The following CMSS1 variants were observed in gnomAD, a reference collection of about 807,000 sequenced individuals.
The protein encoded by CMSS1 is protein CMSS1.
Under a neutral mutation model 43.5 loss-of-function variants are expected in CMSS1, and 33 were observed. The observed-to-expected ratio is 0.76, with a 90% CI of 0.57 to 1.01. The LOEUF is 1.01. CMSS1 is among the 50% of genes least tolerant of loss of function. The probability of loss-of-function intolerance (pLI) is 0.00; values close to 1 mark genes in which losing one functional copy is unlikely to be tolerated. For missense variants in CMSS1, 313 were observed against 326.4 expected, an observed-to-expected ratio of 0.96 and a Z score of 0.32; for synonymous variants, 115 against 117.2, an observed-to-expected ratio of 0.98 and a Z score of 0.12.
chr3:100,065,241 A>G (rs2065643964), intron 1 of CMSS1, among the ~76,000 whole-genome samples: 2 of 152,154 alleles, frequency 1.3e-5, no homozygotes, highest in African/African-American at 4.8e-5. Flanking sequence ...TCTGTGTTTT[A>G]ATTAGCTCCT....
At chr3:99,976,085 A>G (rs931199944) in intron 1 of CMSS1, among the ~76,000 whole-genome samples, 1 of 152,036 alleles carries the variant, frequency 6.6e-6, no homozygotes, top group East Asian at 1.9e-4. Context: ...AGGTTTCGCC[A>G]TGTTTTCCAG....
intron 1 of CMSS1, among the ~76,000 whole-genome samples, chr3:100,124,875 C>T (rs189890241): frequency 1.7e-4 from 25 of 144,092 alleles, no homozygotes; most frequent in African/African-American, 6.0e-4. Flanking sequence ...TATGCGTTCA[C>T]ATGTCAGGTA....
At chr3:100,039,539 A>G (rs1217322456) in intron 1 of CMSS1, among the ~76,000 whole-genome samples, 1 of 152,170 alleles carries the variant, frequency 6.6e-6, no homozygotes, top group Admixed American at 6.5e-5. Context: ...AATATGCGGG[A>G]TACCAGGAGT....
intron 1 of CMSS1, among the ~76,000 whole-genome samples, chr3:99,907,700 T>A (rs76685380): frequency 0.096 from 14,641 of 152,286 alleles, 838 homozygotes; most frequent in African/African-American, 0.16. Flanking sequence ...CCCCTTCCCT[T>A]ATGCTATTAA....
intron 1 of CMSS1, among the ~76,000 whole-genome samples, chr3:99,971,451 T>C (rs1576610365): frequency 6.6e-6 from 1 of 152,168 alleles, no homozygotes; most frequent in South Asian, 2.1e-4. Context: ...ATGTTGAATA[T>C]GAGATGTCTG....
At chr3:99,932,674 G>A (rs1467957457) in intron 1 of CMSS1, among the ~76,000 whole-genome samples, 1 of 152,102 alleles carries the variant, frequency 6.6e-6, no homozygotes, top group Non-Finnish European at 1.5e-5. Flanking sequence ...CGGATTACCC[G>A]AGGTCAGGAG....
intron 1 of CMSS1, among the ~76,000 whole-genome samples, chr3:100,091,231 G>T (rs1270038221): frequency 6.7e-6 from 1 of 150,286 alleles, no homozygotes; most frequent in East Asian, 2.0e-4. Context: ...CTTGCAGTGA[G>T]CCGAGATTGC....
intron 1 of CMSS1, among the ~76,000 whole-genome samples, chr3:99,954,067 A>T (rs1708252023): frequency 6.6e-6 from 1 of 152,282 alleles, no homozygotes; most frequent in African/African-American, 2.4e-5. Context: ...AGGTGGTGGC[A>T]TCTCAGTTTG....
chr3:100,047,511 G>A (rs374963658), intron 1 of CMSS1, among the ~76,000 whole-genome samples: 6 of 152,182 alleles, frequency 3.9e-5, no homozygotes, highest in South Asian at 2.1e-4. Context: ...TGAAACCAGC[G>A]AGGGTCATAA....
intron 1 of CMSS1, among the ~76,000 whole-genome samples, chr3:100,066,459 A>G (rs955128791): frequency 6.8e-6 from 1 of 146,322 alleles, no homozygotes; most frequent in Non-Finnish European, 1.5e-5. Flanking sequence ...AAATGGTTTG[A>G]ATGGTGATGT....
chr3:100,065,127 AAT>A (rs1034496669), intron 1 of CMSS1, among the ~76,000 whole-genome samples: 1 of 152,204 alleles, frequency 6.6e-6, no homozygotes, highest in Admixed American at 6.5e-5. Flanking sequence ...ATATATAATT[AAT>A]ATATACACTG....
In CMSS1 at chr3:100,174,443, C is replaced by A. The variant is rs373260017; in HGVS notation, c.668-1884C>A. On this transcript the variant is annotated intron_variant, in intron 8 of 9. Transcript: ENST00000421999. ...AAGAGAAAAAGCAAAGCTATCCAGA[C>A]TATTGAAATCAGATCTCTACAGAGT... 2.3e-4 allele frequency among the ~76,000 whole-genome samples: 35 copies of A among 151,608 alleles called. No individual in the cohort carries two copies. The South Asian group carries it at 2.5e-3, about 11-fold the overall frequency.
chr3:99,840,791 C>T (rs1943099500), intron 1 of CMSS1, among the ~76,000 whole-genome samples: 1 of 152,158 alleles, frequency 6.6e-6, no homozygotes, highest in Non-Finnish European at 1.5e-5. Flanking sequence ...AATGACTTGT[C>T]CAGGGCCTCA....
At chr3:99,857,483 A>G (rs1944022303) in intron 1 of CMSS1, among the ~76,000 whole-genome samples, 1 of 152,178 alleles carries the variant, frequency 6.6e-6, no homozygotes, top group Non-Finnish European at 1.5e-5. Context: ...TGACTATTTT[A>G]TGTTTTCCTC....
At chr3:100,131,367 A>G (rs1246977962) in intron 1 of CMSS1, among the ~76,000 whole-genome samples, 5 of 152,210 alleles carry the variant, frequency 3.3e-5, no homozygotes. Context: ...GATGTCTACC[A>G]CGGGCAATAC....
chr3:100,033,784 C>A (rs2065060963), intron 1 of CMSS1, among the ~76,000 whole-genome samples: 1 of 152,086 alleles, frequency 6.6e-6, no homozygotes, highest in Admixed American at 6.6e-5. Context: ...AAATTTTATT[C>A]TTTCCATGAA....
chr3:100,109,627 A>G (rs142188519), intron 1 of CMSS1, among the ~76,000 whole-genome samples: 27 of 152,260 alleles, frequency 1.8e-4, no homozygotes, highest in Non-Finnish European at 7.4e-5. Flanking sequence ...GCATAATGCA[A>G]TTGAGGTTCA....
At chr3:100,057,405 G>C (rs1310664977) in intron 1 of CMSS1, among the ~76,000 whole-genome samples, 1 of 152,172 alleles carries the variant, frequency 6.6e-6, no homozygotes, top group Non-Finnish European at 1.5e-5. Context: ...GCCAATAAAA[G>C]CCCAGACCTT....
At chr3:100,047,635 T>A (rs2065298583) in intron 1 of CMSS1, among the ~76,000 whole-genome samples, 1 of 152,224 alleles carries the variant, frequency 6.6e-6, no homozygotes, top group Admixed American at 6.5e-5. Flanking sequence ...TGCAGGTGTC[T>A]GTCAAGAGAC....
Sources: gnomAD v4.1 joint callset for allele counts (sites outside exome capture counted in the v4.1 genomes callset) on GRCh38, gnomAD v4.1.1 for gene constraint, MANE v1.5 for transcripts, NCBI Gene and HGNC (gene_info 2026-07-23, HGNC 2026-07-21) for gene names.